Variants in AUTS2 observed in about 807,000 individuals in gnomAD.
AUTS2 encodes autism susceptibility gene 2 protein.
A neutral mutation model predicts 112.4 loss-of-function variants in AUTS2; 17 were observed. The observed-to-expected ratio is 0.15, with a 90% confidence interval of 0.10 to 0.23. AUTS2 has a LOEUF of 0.23. Ranked by LOEUF, AUTS2 falls within the 10% of genes least tolerant of loss-of-function variation. The pLI is 1.00. For missense variants in AUTS2, 1,510 were observed against 1,701.6 expected (o/e 0.89, Z 1.98); for synonymous variants, 751 against 702.7 (o/e 1.07, Z -1.09).
intron 1 of AUTS2, among the ~76,000 whole-genome samples, chr7:69,836,997 G>A (rs1462984769): frequency 6.6e-6 from 1 of 152,072 alleles, no homozygotes; most frequent in Non-Finnish European, 1.5e-5. Flanking sequence ...TCGTTAGAGG[G>A]GACCCTATAG....
intron 2 of AUTS2, among the ~76,000 whole-genome samples, chr7:69,998,100 T>C (rs892767882): frequency 6.6e-6 from 1 of 152,188 alleles, no homozygotes; most frequent in Non-Finnish European, 1.5e-5. Context: ...GCTTCCCAAC[T>C]CTTTTTTCAA....
intron 1 of AUTS2, among the ~76,000 whole-genome samples, chr7:69,670,818 T>C (rs1796285866): frequency 6.6e-6 from 1 of 152,064 alleles, no homozygotes; most frequent in Non-Finnish European, 1.5e-5. Flanking sequence ...GAGCTATGAT[T>C]GTACTAGCAC....
intron 1 of AUTS2, among the ~76,000 whole-genome samples, chr7:69,612,151 A>G (rs568964987): frequency 6.7e-4 from 102 of 152,244 alleles, no homozygotes; most frequent in African/African-American, 2.5e-3. Flanking sequence ...ATGCTGGGAT[A>G]TGGATTATTT....
chr7:70,339,425 C>G (rs988277953), intron 4 of AUTS2, among the ~76,000 whole-genome samples: 21 of 152,134 alleles, frequency 1.4e-4, no homozygotes, highest in Non-Finnish European at 3.1e-4. Flanking sequence ...ATAAGTAATA[C>G]TCTCTTTTTC....
At chr7:70,557,339 C>G (rs1301915918) in intron 5 of AUTS2, among the ~76,000 whole-genome samples, 1 of 152,192 alleles carries the variant, frequency 6.6e-6, no homozygotes, top group African/African-American at 2.4e-5. Flanking sequence ...GCCACAGCCA[C>G]CCCTGGACTT....
At chr7:70,090,759 G>A (rs1182185686) in intron 2 of AUTS2, among the ~76,000 whole-genome samples, 6 of 148,140 alleles carry the variant, frequency 4.1e-5, no homozygotes, top group South Asian at 2.1e-4. Context: ...GCTCACTGCC[G>A]CCTTCGCCTC....
At chr7:70,230,113 T>C (rs996660135) in intron 4 of AUTS2, among the ~76,000 whole-genome samples, 4 of 152,284 alleles carry the variant, frequency 2.6e-5, no homozygotes, top group African/African-American at 4.8e-5. Context: ...TTTGGAATGG[T>C]AAAATTTTAA....
intron 5 of AUTS2, among the ~76,000 whole-genome samples, chr7:70,495,854 A>AAC (rs1238814600): frequency 1.4e-5 from 1 of 71,108 alleles, no homozygotes; most frequent in Non-Finnish European, 2.7e-5. Context: ...CACGTACACA[A>AAC]ACACACACAC....
chr7:70,479,021 T>C (rs774594113), intron 5 of AUTS2, among the ~76,000 whole-genome samples: 20 of 151,694 alleles, frequency 1.3e-4, no homozygotes, highest in Non-Finnish European at 2.4e-4. Context: ...GAAAATTTAA[T>C]TACCCAGTCT....
At chr7:70,235,316 T>C (rs886925075) in intron 4 of AUTS2, among the ~76,000 whole-genome samples, 16 of 150,016 alleles carry the variant, frequency 1.1e-4, no homozygotes, top group African/African-American at 2.7e-4. Context: ...AAAAAAAAAA[T>C]GTGTGGAGAC....
chr7:69,700,893 T>G (rs947993459), intron 1 of AUTS2, among the ~76,000 whole-genome samples: 18 of 152,166 alleles, frequency 1.2e-4, no homozygotes, highest in African/African-American at 4.1e-4. Context: ...TTCTGTCCTG[T>G]TAATTGGTTC....
chr7:70,261,146 CA>C (rs1365871738), intron 4 of AUTS2, among the ~76,000 whole-genome samples: 1 of 152,130 alleles, frequency 6.6e-6, no homozygotes, highest in African/African-American at 2.4e-5. Flanking sequence ...TTTCTAAGCA[CA>C]AAAAAGAATC....
At chr7:70,741,109 T>G (rs76860103) in intron 6 of AUTS2, among the ~76,000 whole-genome samples, 3 of 141,784 alleles carry the variant, frequency 2.1e-5, no homozygotes, top group South Asian at 2.2e-4. Flanking sequence ...TTAAAAAAAA[T>G]AAAAAAAAAA....
chr7:70,326,554 A>G (rs1417658592), intron 4 of AUTS2, among the ~76,000 whole-genome samples: 3 of 152,198 alleles, frequency 2.0e-5, no homozygotes, highest in African/African-American at 7.2e-5. Context: ...GACTTGGGCT[A>G]AGGTTGGTCA....
intron 4 of AUTS2, among the ~76,000 whole-genome samples, chr7:70,395,967 G>A (rs1369978157): frequency 6.6e-6 from 1 of 152,186 alleles, no homozygotes; most frequent in African/African-American, 2.4e-5. Context: ...CATGAAGTAT[G>A]TAGTTAATTG....
chr7:69,716,396 T>TG (rs1416019798), intron 1 of AUTS2, among the ~76,000 whole-genome samples: 2 of 152,022 alleles, frequency 1.3e-5, no homozygotes, highest in East Asian at 3.9e-4. Context: ...CTATATGACC[T>TG]GATTAGACAA....
At chr7:69,691,916 C>T (rs572740792) in intron 1 of AUTS2, among the ~76,000 whole-genome samples, 4 of 152,162 alleles carry the variant, frequency 2.6e-5, no homozygotes, top group East Asian at 1.9e-4. Flanking sequence ...GACATGAAGC[C>T]TCCACCCATG....
rs1344452722 is a variant in AUTS2, at chr7:70,411,020, T to A, written c.661-24732T>A. Among the ~76,000 whole-genome samples the A allele has an allele frequency of 2.6e-5, 4 of 152,090 alleles. No individual in the cohort carries two copies. In the East Asian group the frequency reaches 7.7e-4, roughly 29 times the overall value. On this transcript the variant is annotated intron_variant, in intron 4 of 18. Transcript: ENST00000342771. Reference sequence around the variant, plus strand: ...CTGGGATTATAGGCACCCACCACCATGCCTGGCTAATTTTTTGTATTTTTA... The same window carrying A: ...CTGGGATTATAGGCACCCACCACCAAGCCTGGCTAATTTTTTGTATTTTTA...
intron 5 of AUTS2, among the ~76,000 whole-genome samples, chr7:70,575,067 A>G (rs1275043181): frequency 3.9e-5 from 6 of 152,200 alleles, no homozygotes; most frequent in Non-Finnish European, 8.8e-5. Context: ...GCATAACCAG[A>G]AAGGGATGTG....
Sources: allele counts gnomAD v4.1 joint callset (sites outside exome capture counted in the v4.1 genomes callset), GRCh38; gene constraint gnomAD v4.1.1; transcripts MANE v1.5; gene names NCBI Gene and HGNC (gene_info 2026-07-23, HGNC 2026-07-21).